The following MYRIP variants were observed in gnomAD, a reference collection of about 807,000 sequenced individuals.
MYRIP encodes the protein myosin VIIA and Rab interacting protein.
In MYRIP, 49 loss-of-function variants were observed where a neutral mutation model predicts 98.0. The ratio of observed to expected loss-of-function variants is 0.50; its 90% confidence interval spans 0.40 to 0.63. MYRIP has a LOEUF of 0.63. Among genes scored for constraint, MYRIP ranks in the 30% least tolerant of loss-of-function variants. The pLI is 0.00. For synonymous variants in MYRIP, 404 were observed against 409.5 expected (o/e 0.99, Z 0.16); for missense variants, 1,004 against 1,058.2 (o/e 0.95, Z 0.71).
chr3:39,845,046 A>C (rs1195965565), intron 1 of MYRIP, among the ~76,000 whole-genome samples: 1 of 152,232 alleles, frequency 6.6e-6, no homozygotes. Context: ...TCCAAAATCC[A>C]AAAGAGCTCA....
intron 1 of MYRIP, among the ~76,000 whole-genome samples, chr3:39,864,506 A>G (rs989968484): frequency 1.1e-4 from 16 of 152,184 alleles, no homozygotes; most frequent in African/African-American, 3.6e-4. Context: ...TACACCAACA[A>G]CATCCAAGCT....
At chr3:40,103,047 A>T (rs955784584) in intron 3 of MYRIP, among the ~76,000 whole-genome samples, 2 of 151,838 alleles carry the variant, frequency 1.3e-5, no homozygotes, top group Non-Finnish European at 2.9e-5. Flanking sequence ...TGACATCCAG[A>T]CACCTGCAGT....
chr3:40,033,007 A>C (rs80087333), intron 2 of MYRIP, among the ~76,000 whole-genome samples: 53,746 of 149,602 alleles, frequency 0.36, 9,756 homozygotes, highest in Middle Eastern at 0.4. Context: ...AGGCCTTTGA[A>C]AAAATTCAAC....
chr3:40,149,062 C>T (rs974812400), intron 3 of MYRIP, among the ~76,000 whole-genome samples: 6 of 152,146 alleles, frequency 3.9e-5, no homozygotes, highest in African/African-American at 4.8e-5. Flanking sequence ...AAGCTTCTTC[C>T]GTATTAGTCC....
At chr3:40,041,493 G>A in intron 2 of MYRIP, among the ~76,000 whole-genome samples, 1 of 150,140 alleles carries the variant, frequency 6.7e-6, no homozygotes, top group Non-Finnish European at 1.5e-5. Flanking sequence ...ACCTAGTCAT[G>A]CGGAACCATC....
At chr3:39,967,238 C>T (rs573132028) in intron 2 of MYRIP, among the ~76,000 whole-genome samples, 1 of 152,128 alleles carries the variant, frequency 6.6e-6, no homozygotes, top group East Asian at 1.9e-4. Flanking sequence ...TCTTCTCCCT[C>T]TTCTCATCCT....
At chr3:39,873,738 G>A (rs1220715609) in intron 1 of MYRIP, among the ~76,000 whole-genome samples, 16 of 151,272 alleles carry the variant, frequency 1.1e-4, no homozygotes, top group African/African-American at 3.9e-4. Flanking sequence ...TTTGGTTACT[G>A]TAGCCTTGTA....
intron 1 of MYRIP, among the ~76,000 whole-genome samples, chr3:39,822,536 T>C (rs2125574372): frequency 2.0e-5 from 3 of 152,314 alleles, no homozygotes; most frequent in Middle Eastern, 3.4e-3. Context: ...CAATTCTTCT[T>C]CCAATATGGC....
intron 3 of MYRIP, among the ~76,000 whole-genome samples, chr3:40,079,882 C>A (rs1309865805): frequency 6.6e-6 from 1 of 152,176 alleles, no homozygotes; most frequent in Non-Finnish European, 1.5e-5. Context: ...AAAATTAATT[C>A]TAATTATATA....
chr3:40,101,001 C>T (rs1342885550), intron 3 of MYRIP, among the ~76,000 whole-genome samples: 3 of 152,100 alleles, frequency 2.0e-5, no homozygotes, highest in African/African-American at 7.2e-5. Context: ...AAAAAAGCCC[C>T]TCACCCCACT....
At chr3:40,236,163 C>G (rs551384847) in intron 12 of MYRIP, among the ~76,000 whole-genome samples, 1 of 152,094 alleles carries the variant, frequency 6.6e-6, no homozygotes, top group Non-Finnish European at 1.5e-5. Context: ...AAATAATTAC[C>G]ATGGTGTTAC....
chr3:39,953,657 C>T (rs1413480570), intron 2 of MYRIP, among the ~76,000 whole-genome samples: 1 of 152,158 alleles, frequency 6.6e-6, no homozygotes, highest in Non-Finnish European at 1.5e-5. Context: ...AACTGAGGTA[C>T]TGGGTTGATC....
chr3:39,974,254 C>T (rs1347772751), intron 2 of MYRIP, among the ~76,000 whole-genome samples: 2 of 152,136 alleles, frequency 1.3e-5, no homozygotes, highest in East Asian at 1.9e-4. Context: ...AAACTACCAT[C>T]AGAGAATACT....
chr3:39,911,405 A>G (rs987234148), intron 2 of MYRIP, among the ~76,000 whole-genome samples: 5 of 152,170 alleles, frequency 3.3e-5, no homozygotes, highest in African/African-American at 1.2e-4. Flanking sequence ...ACTTTCTTTA[A>G]TAACAGTTTT....
chr3:40,193,831 A>C (rs1951311237), intron 10 of MYRIP, among the ~76,000 whole-genome samples: 1 of 152,138 alleles, frequency 6.6e-6, no homozygotes, highest in Admixed American at 6.5e-5. Flanking sequence ...GTTTAAAGCT[A>C]TTTACACTTT....
At chr3:39,995,141 C>T (rs1416636399) in intron 2 of MYRIP, among the ~76,000 whole-genome samples, 2 of 152,154 alleles carry the variant, frequency 1.3e-5, no homozygotes, top group African/African-American at 4.8e-5. Flanking sequence ...CTCTCCTCCT[C>T]CAAAGGAACG....
chr3:40,182,431 A>G, intron 9 of MYRIP, 58 bp downstream of exon 9: 1 of 1,554,860 alleles, frequency 6.4e-7, no homozygotes, highest in African/African-American at 1.4e-5. Context: ...TGGTTTGGAG[A>G]CATCTTGGCT....
intron 4 of MYRIP, among the ~76,000 whole-genome samples, chr3:40,160,472 G>A (rs1405009662): frequency 6.6e-6 from 1 of 152,238 alleles, no homozygotes; most frequent in Non-Finnish European, 1.5e-5. Context: ...GCCCCCAGAG[G>A]TGGAGCCTAC....
intron 2 of MYRIP, among the ~76,000 whole-genome samples, chr3:40,025,422 G>A (rs79005684): frequency 0.012 from 1,874 of 152,130 alleles, 46 homozygotes; most frequent in African/African-American, 0.043. Context: ...CCTAATGGGA[G>A]AGTGATATTA....
Sources: gnomAD v4.1 joint callset for allele counts (sites outside exome capture counted in the v4.1 genomes callset) on GRCh38, gnomAD v4.1.1 for gene constraint, MANE v1.5 for transcripts, NCBI Gene and HGNC (gene_info 2026-07-23, HGNC 2026-07-21) for gene names.